The following CACNG8 variants were observed in gnomAD, a reference collection of about 807,000 sequenced individuals.
CACNG8 encodes the protein calcium voltage-gated channel auxiliary subunit gamma 8.
Under a neutral mutation model 26.9 loss-of-function variants are expected in CACNG8, and 5 were observed. That is an observed-to-expected ratio of 0.19 (90% CI 0.10 to 0.39). CACNG8 has a LOEUF of 0.39. CACNG8 is among the 10% of genes least tolerant of loss of function. The probability of loss-of-function intolerance (pLI) is 1.00; values close to 1 mark genes in which losing one functional copy is unlikely to be tolerated. For missense variants in CACNG8, 473 were observed against 609.4 expected, an observed-to-expected ratio of 0.78 and a Z score of 2.36; for synonymous variants, 321 against 296.7, an observed-to-expected ratio of 1.08 and a Z score of -0.84.
intron 2 of CACNG8, among the ~76,000 whole-genome samples, chr19:53,979,489 G>C (rs753727637): frequency 6.6e-6 from 1 of 151,906 alleles, no homozygotes; most frequent in Non-Finnish European, 1.5e-5. Context: ...TATGGAGAAA[G>C]AAATTCGCAG....
At chr19:53,966,913 G>A (rs1038867258) in intron 1 of CACNG8, among the ~76,000 whole-genome samples, 2 of 152,154 alleles carry the variant, frequency 1.3e-5, no homozygotes, top group Non-Finnish European at 2.9e-5. Flanking sequence ...TGAATTTTGA[G>A]TATATTCTGG....
rs2069398055 is a variant in CACNG8, at chr19:53,984,961, A to T, written c.*2112A>T. The T allele has an allele frequency of 6.6e-6, 1 of 152,136 alleles. No homozygotes were observed. The highest frequency in any genetic ancestry group is 1.5e-5 in the Non-Finnish European group (1 of 68,122). 9.4% of individuals were successfully genotyped at this position (152,136 alleles called of 1,614,324 possible). A position where few individuals can be genotyped will look rare whatever the true frequency, so the allele number is the denominator to read the frequency against. On this transcript the variant is annotated 3_prime_UTR_variant, in exon 4 of 4. Coordinates refer to ENST00000270458, the MANE Select transcript of CACNG8 (RefSeq NM_031895.6). ...GACTGAGATCCTGTCTCAGAAAAAA[A>T]GAGAAAAAGGTGCCTGAGTTCCAGG...
intron 1 of CACNG8, among the ~76,000 whole-genome samples, chr19:53,968,202 T>C (rs1405554527): frequency 1.3e-4 from 19 of 151,782 alleles, no homozygotes; most frequent in Non-Finnish European, 2.4e-4. Context: ...CAGTGAGACC[T>C]TGTCTCTACA....
Position 53,982,700 on chromosome 19 carries a change from G to T in CACNG8, c.1129G>T (p.Gly377Cys). 1.7e-6 allele frequency: 2 copies of T among 1,146,514 alleles called. No homozygotes were observed. Among genetic ancestry groups the T allele is most frequent in the East Asian group, 9.1e-5 (2 of 21,978 alleles). 71.0% of individuals were successfully genotyped at this position (1,146,514 alleles called of 1,614,324 possible). ...GCACAACGCCTTCCCCAAGGAGGCG[G>T]GCGGCGGCGTCACGGTCACGGTCAC... The change falls in exon 4 of 4, where the codon GGC (glycine) becomes TGC (cysteine). Residue 377 changes from glycine (G) to cysteine (C), a missense_variant. By Grantham distance (159) the Gly-to-Cys change is radical (BLOSUM62 -3). Around this residue, in one of 6 missense-constraint regions of CACNG8, gnomAD observed 212 missense variants for 214.4 expected, o/e 0.99. Coordinates refer to ENST00000270458, the MANE Select transcript of CACNG8 (RefSeq NM_031895.6). This position sits in a 1 kb window ranked among gnomAD's most constrained non-coding sequence, Gnocchi z 8.4.
chr19:53,979,628 G>C (rs530501537), intron 2 of CACNG8, among the ~76,000 whole-genome samples: 108 of 152,028 alleles, frequency 7.1e-4, no homozygotes, highest in African/African-American at 2.4e-3. Context: ...AAAATAGTCC[G>C]AAGAAAAAAG....
rs969058172 is a variant in CACNG8, at chr19:53,986,176, G to C, written c.*3327G>C. The C allele has an allele frequency of 2.6e-5, 4 of 152,530 alleles. No homozygotes were observed. The highest frequency in any genetic ancestry group is 9.7e-5 in the African/African-American group (4 of 41,412). The allele number at this position is 152,530 out of a possible 1,614,324, so 9.4% of individuals were successfully genotyped here. A position where few individuals can be genotyped will look rare whatever the true frequency, so the allele number is the denominator to read the frequency against. Reference sequence around the variant, plus strand: ...ACACACACAGAGACAGAGATAGAGAGGGAGAGGTAAGCCGGAGACAGACTC... The same window carrying C: ...ACACACACAGAGACAGAGATAGAGACGGAGAGGTAAGCCGGAGACAGACTC... On this transcript the variant is annotated 3_prime_UTR_variant, in exon 4 of 4. Coordinates refer to ENST00000270458, the MANE Select transcript of CACNG8 (RefSeq NM_031895.6).
At chr19:53,965,652 AAAAC>A (rs936007250) in intron 1 of CACNG8, among the ~76,000 whole-genome samples, 1 of 152,096 alleles carries the variant, frequency 6.6e-6, no homozygotes, top group Non-Finnish European at 1.5e-5. Context: ...GCAGCAGTGG[AAAAC>A]AAACAGACAA....
At chr19:53,973,270 C>T (rs939539955) in intron 1 of CACNG8, among the ~76,000 whole-genome samples, 2 of 152,126 alleles carry the variant, frequency 1.3e-5, no homozygotes, top group African/African-American at 4.8e-5. Flanking sequence ...GCCTGTAATC[C>T]CAGCACTTTG....
intron 1 of CACNG8, among the ~76,000 whole-genome samples, chr19:53,967,465 C>T (rs149991002): frequency 6.6e-6 from 1 of 152,318 alleles, no homozygotes; most frequent in East Asian, 1.9e-4. Flanking sequence ...TCTATCACGA[C>T]TACTCGTGAA....
rs116554941 is a variant in CACNG8, at chr19:53,987,864, G to A, written c.*5015G>A. On this transcript the variant is annotated 3_prime_UTR_variant, in exon 4 of 4. Transcript: ENST00000270458. ...GCTCAAAAACGTAAGTTTTGGAAAC[G>A]TCAACATAAAGCCACAGGATTGGGT... 0.072 allele frequency: 10,883 copies of A among 151,948 alleles called. 427 individuals are homozygous for A. The highest frequency in any genetic ancestry group is 0.093 in the African/African-American group (3,870 of 41,434). The allele number at this position is 151,948 out of a possible 1,614,324, so 9.4% of individuals were successfully genotyped here. A position where few individuals can be genotyped will look rare whatever the true frequency, so the allele number is the denominator to read the frequency against.
intron 1 of CACNG8, among the ~76,000 whole-genome samples, chr19:53,971,588 A>T (rs2069302910): frequency 6.6e-6 from 1 of 152,118 alleles, no homozygotes; most frequent in South Asian, 2.1e-4. Flanking sequence ...TTTCAGCCAC[A>T]CCCCGAGGTC....
chr19:53,978,190 G>A lies in CACNG8; in HGVS notation c.328G>A (p.Asp110Asn), dbSNP rs2069341495. ...CGTGAAGATCAATCATTTCCCGGAG[G>A]ACACGGACTACGACCACGACAGCGC... The change falls in exon 2 of 4, where the codon GAC becomes AAC. Residue 110 changes from aspartate (D) to asparagine (N), a missense_variant. Asp to Asn is a conservative substitution (Grantham distance 23, BLOSUM62 1). Coordinates refer to ENST00000270458, the MANE Select transcript of CACNG8 (RefSeq NM_031895.6). 7 of 1,613,300 alleles carry A rather than the reference G, an allele frequency of 4.3e-6. No individual in the cohort carries two copies. The highest frequency in any genetic ancestry group is 5.9e-6 in the Non-Finnish European group (7 of 1,179,860).
chr19:53,978,587 C>T (rs529178250), intron 2 of CACNG8, among the ~76,000 whole-genome samples: 35 of 151,782 alleles, frequency 2.3e-4, no homozygotes, highest in African/African-American at 7.0e-4. Flanking sequence ...GCGGCGGTGA[C>T]GGGCCACTAC....
chr19:53,978,388 C>T (rs1227215691), intron 2 of CACNG8, among the ~76,000 whole-genome samples, 159 bp downstream of exon 2: 1 of 152,134 alleles, frequency 6.6e-6, no homozygotes, highest in Non-Finnish European at 1.5e-5. Flanking sequence ...GTGAGATCCT[C>T]TGGTCCCCGA....
intron 1 of CACNG8, among the ~76,000 whole-genome samples, chr19:53,976,040 G>C (rs528773390): frequency 1.3e-5 from 2 of 152,304 alleles, no homozygotes; most frequent in East Asian, 3.9e-4. Context: ...CACCAGCAAG[G>C]ACACAGAATA....
Position 53,982,483 on chromosome 19 carries a change from C to T in CACNG8, c.912C>T (p.Ile304=). The change falls in exon 4 of 4, where the codon ATC becomes ATT. Residue 304 remains isoleucine (I), a synonymous_variant. Coordinates refer to ENST00000270458, the MANE Select transcript of CACNG8 (RefSeq NM_031895.6). The surrounding 1 kb of genome is among the most constrained non-coding windows in gnomAD (Gnocchi z 8.4). ...GCCCGGGCTTTGCCTCCACGGACAT[C>T]TCCATGTACACGCTCAGCCGCGACC... 2.7e-6 allele frequency: 4 copies of T among 1,508,758 alleles called. No individual in the cohort carries two copies. Among genetic ancestry groups the T allele is most frequent in the Non-Finnish European group, 3.5e-6 (4 of 1,136,530 alleles). 93.5% of individuals were successfully genotyped at this position (1,508,758 alleles called of 1,614,324 possible).
At chr19:53,973,484 A>G (rs559650261) in intron 1 of CACNG8, among the ~76,000 whole-genome samples, 1 of 151,664 alleles carries the variant, frequency 6.6e-6, no homozygotes, top group Admixed American at 6.6e-5. Flanking sequence ...GATTGTGCCA[A>G]TGCACTCCAG....
rs2145943819 is a variant in CACNG8, at chr19:53,983,982, GGT to G, written c.*1136_*1137del. On this transcript the variant is annotated 3_prime_UTR_variant, in exon 4 of 4. Coordinates refer to ENST00000270458, the MANE Select transcript of CACNG8 (RefSeq NM_031895.6). ...GTTTAAGCAGGACGCTAACGTGAAT[GGT>G]GTACAAAGGGAAGACAGGAACTCGG... 6.6e-6 allele frequency: 1 copy of G among 152,490 alleles called. No individual in the cohort carries two copies. The highest frequency in any genetic ancestry group is 1.9e-4 in the East Asian group (1 of 5,178). The allele number at this position is 152,490 out of a possible 1,614,324, so 9.4% of individuals were successfully genotyped here. A position where few individuals can be genotyped will look rare whatever the true frequency, so the allele number is the denominator to read the frequency against.
At position 53,987,929 on chromosome 19, in the gene CACNG8, C is replaced by G. The variant is rs2069417486; in HGVS notation, c.*5080C>G. The G allele has an allele frequency of 6.6e-6, 1 of 151,998 alleles. No homozygotes were observed. The highest frequency in any genetic ancestry group is 2.1e-4 in the South Asian group (1 of 4,820). The allele number at this position is 151,998 out of a possible 1,614,324, so 9.4% of individuals were successfully genotyped here. The stretch of plus-strand genomic sequence containing the variant: ...GGGGGGTGGGGACAGAGAAGCGACC[C>G]TGGCCAGAGCCTTGGGGACATCTAC... On this transcript the variant is annotated 3_prime_UTR_variant, in exon 4 of 4. Transcript: ENST00000270458.
Sources: allele counts gnomAD v4.1 joint callset (sites outside exome capture counted in the v4.1 genomes callset), GRCh38; gene constraint gnomAD v4.1.1; regional missense constraint gnomAD v4.1.1; non-coding constraint Gnocchi (gnomAD v3.1); transcripts MANE v1.5; gene names NCBI Gene and HGNC (gene_info 2026-07-23, HGNC 2026-07-21).